The following GNA12 variants were observed in gnomAD, a reference collection of about 807,000 sequenced individuals.
GNA12 encodes the protein G protein subunit alpha 12, also known as guanine nucleotide-binding protein subunit alpha-12.
In GNA12, 9 loss-of-function variants were observed where a neutral mutation model predicts 26.0. The observed-to-expected ratio is 0.35, with a 90% CI of 0.21 to 0.60. The LOEUF is 0.60. Among genes scored for constraint, GNA12 ranks in the 20% least tolerant of loss-of-function variants. The pLI, the probability that GNA12 is intolerant of heterozygous loss-of-function variation, is 0.78. For synonymous variants in GNA12, 264 were observed against 219.6 expected, an observed-to-expected ratio of 1.20 and a Z score of -1.79; for missense variants, 405 against 525.8, an observed-to-expected ratio of 0.77 and a Z score of 2.25.
intron 2 of GNA12, among the ~76,000 whole-genome samples, chr7:2,767,685 A>G (rs1165300311): frequency 6.6e-6 from 1 of 152,194 alleles, no homozygotes; most frequent in Non-Finnish European, 1.5e-5. Context: ...CTAACCTTTA[A>G]ACCCTTAGCA....
At chr7:2,772,433 A>C (rs1031799110) in intron 2 of GNA12, among the ~76,000 whole-genome samples, 4 of 151,598 alleles carry the variant, frequency 2.6e-5, no homozygotes, top group Non-Finnish European at 5.9e-5. Context: ...GGTGGTGGGC[A>C]CCTGTAGTCC....
In GNA12 at chr7:2,804,906, T is replaced by TAA. The variant is rs34095388; in HGVS notation, c.310-9765_310-9764dup. Among the ~76,000 whole-genome samples the TAA allele has an allele frequency of 7.7e-3, 1,143 of 148,574 alleles. 14 individuals carry two copies. The highest frequency in any genetic ancestry group is 0.025 in the African/African-American group (1,015 of 40,504). On this transcript the variant is annotated intron_variant, in intron 1 of 3. Transcript: ENST00000275364. ...AGACCCTATCTCTATTAAAATAAAT[T>TAA]AAAAAAAAAAAGATATTGAAGAGGA...
At chr7:2,762,938 T>G (rs1791636662) in intron 2 of GNA12, 1 of 1,382,280 alleles carries the variant, frequency 7.2e-7, no homozygotes, top group African/African-American at 1.5e-5. Flanking sequence ...CCCCAGACAC[T>G]CCCGTGGGGC....
At chr7:2,814,257 C>A in intron 1 of GNA12, 1 of 905,216 alleles carries the variant, frequency 1.1e-6, no homozygotes, top group Non-Finnish European at 1.9e-6. Context: ...TTTGGAGAAT[C>A]CTGACTGAGA....
chr7:2,732,219 G>A (rs115940710), intron 3 of GNA12, among the ~76,000 whole-genome samples: 1 of 152,130 alleles, frequency 6.6e-6, no homozygotes, highest in Non-Finnish European at 1.5e-5. Flanking sequence ...GCGACACACA[G>A]GCAAGCATAC....
chr7:2,733,994 G>A (rs1451184563), intron 2 of GNA12, among the ~76,000 whole-genome samples: 2 of 152,236 alleles, frequency 1.3e-5, no homozygotes, highest in South Asian at 2.1e-4. Context: ...CCAGTTTCTA[G>A]AAAGAGTCCA....
At chr7:2,738,283 TAA>T (rs34320599) in intron 2 of GNA12, among the ~76,000 whole-genome samples, 78 of 142,810 alleles carry the variant, frequency 5.5e-4, no homozygotes, top group Middle Eastern at 3.5e-3. Flanking sequence ...AGGCTCCATC[TAA>T]AAAAAAAAAA....
chr7:2,801,378 A>G (rs934395644), intron 1 of GNA12, among the ~76,000 whole-genome samples: 3 of 152,228 alleles, frequency 2.0e-5, no homozygotes, highest in African/African-American at 7.2e-5. Flanking sequence ...TAGGACTTGG[A>G]AGGCCAAAGG....
chr7:2,815,977 C>A (rs1793209096), intron 1 of GNA12, among the ~76,000 whole-genome samples: 1 of 152,238 alleles, frequency 6.6e-6, no homozygotes, highest in Middle Eastern at 3.2e-3. Context: ...CAGCCCCTGG[C>A]AAAGCTGGGC....
intron 1 of GNA12, among the ~76,000 whole-genome samples, chr7:2,837,180 G>A (rs1778861631): frequency 2.4e-5 from 3 of 123,766 alleles, no homozygotes; most frequent in South Asian, 6.0e-4. Context: ...GTGGGGAAGT[G>A]CACCCCCACC....
chr7:2,762,749 T>C (rs1048828300), intron 2 of GNA12: 39 of 1,552,918 alleles, frequency 2.5e-5, no homozygotes, highest in Non-Finnish European at 3.1e-5. Context: ...CCGCAGGAAG[T>C]GCACCAGGCC....
intron 1 of GNA12, chr7:2,835,990 G>T: frequency 2.2e-6 from 1 of 449,700 alleles, no homozygotes; most frequent in South Asian, 2.2e-5. Flanking sequence ...TGCAAAATTT[G>T]GGAGCAGCAT....
At chr7:2,810,643 T>A (rs1335519719) in intron 1 of GNA12, among the ~76,000 whole-genome samples, 1 of 152,184 alleles carries the variant, frequency 6.6e-6, no homozygotes, top group Non-Finnish European at 1.5e-5. Context: ...ACTTCTGTAA[T>A]CCCAGCACTT....
chr7:2,832,000 G>A (rs1778688508), intron 1 of GNA12, among the ~76,000 whole-genome samples: 1 of 152,160 alleles, frequency 6.6e-6, no homozygotes, highest in Admixed American at 6.5e-5. Flanking sequence ...TAAAATGAAT[G>A]TAATTTGCAT....
intron 1 of GNA12, among the ~76,000 whole-genome samples, chr7:2,843,005 T>C (rs1779044984): frequency 1.3e-5 from 2 of 152,186 alleles, no homozygotes; most frequent in Admixed American, 1.3e-4. Context: ...GAAGTTTTCG[T>C]ATTAGAAAGT....
chr7:2,797,765 C>G (rs535318685), intron 1 of GNA12, among the ~76,000 whole-genome samples: 5 of 152,128 alleles, frequency 3.3e-5, no homozygotes, highest in Non-Finnish European at 5.9e-5. Flanking sequence ...CCCTGATTTT[C>G]CCCTCAGGAC....
At position 2,835,969 on chromosome 7, in the gene GNA12, G is replaced by T. The variant is rs533556664; in HGVS notation, c.309+7884C>A. ...TCAGTGGGTGTGAGCAGATTTGAAA[G>T]TTCAGTTGTATGCAAAATTTGGGAG... On this transcript the variant is annotated intron_variant, in intron 1 of 3. Transcript: ENST00000275364. 211 of 480,304 alleles carry T rather than the reference G, an allele frequency of 4.4e-4. 1 individual carries two copies. Among genetic ancestry groups the T allele is most frequent in the South Asian group, 4.2e-3 (205 of 49,350 alleles). 29.8% of individuals were successfully genotyped at this position (480,304 alleles called of 1,614,324 possible). A position where few individuals can be genotyped will look rare whatever the true frequency, so the allele number is the denominator to read the frequency against.
chr7:2,762,382 C>T, intron 2 of GNA12: 1 of 445,228 alleles, frequency 2.2e-6, no homozygotes, highest in Non-Finnish European at 4.0e-6. Flanking sequence ...ATGGCGGTTC[C>T]CACTTTCCTC....
intron 2 of GNA12, among the ~76,000 whole-genome samples, chr7:2,784,473 C>T (rs2115440596): frequency 6.6e-6 from 1 of 152,326 alleles, no homozygotes; most frequent in East Asian, 1.9e-4. Context: ...CGATGAATTA[C>T]TGCCAAAGAA....
Sources: gnomAD v4.1 joint callset for allele counts (sites outside exome capture counted in the v4.1 genomes callset) on GRCh38, gnomAD v4.1.1 for gene constraint, MANE v1.5 for transcripts, NCBI Gene and HGNC (gene_info 2026-07-23, HGNC 2026-07-21) for gene names.